Variants in SLC8A1 observed in about 807,000 individuals in gnomAD.
The protein encoded by SLC8A1 is sodium/calcium exchanger 1.
In SLC8A1, 18 loss-of-function variants were observed where a neutral mutation model predicts 68.3. The observed-to-expected ratio is 0.26, with a 90% CI of 0.18 to 0.39. The LOEUF is 0.39. Among genes scored for constraint, SLC8A1 ranks in the 10% least tolerant of loss-of-function variants. The pLI is 1.00. For synonymous variants in SLC8A1, 475 were observed against 415.5 expected, an observed-to-expected ratio of 1.14 and a Z score of -1.74; for missense variants, 985 against 1,156.7, an observed-to-expected ratio of 0.85 and a Z score of 2.15.
chr2:40,370,502 G>A (rs1185680262), intron 2 of SLC8A1, among the ~76,000 whole-genome samples: 1 of 151,986 alleles, frequency 6.6e-6, no homozygotes, highest in Non-Finnish European at 1.5e-5. Flanking sequence ...TCATGTAATT[G>A]ACAGGCTAAA....
intron 1 of SLC8A1, among the ~76,000 whole-genome samples, chr2:40,493,470 C>T (rs575599791): frequency 6.6e-6 from 1 of 150,734 alleles, no homozygotes; most frequent in Admixed American, 6.6e-5. Flanking sequence ...ACATTGTGCA[C>T]ATGTACCCTA....
At chr2:40,273,992 G>A (rs1053595617) in intron 2 of SLC8A1, among the ~76,000 whole-genome samples, 3 of 151,486 alleles carry the variant, frequency 2.0e-5, no homozygotes, top group Non-Finnish European at 4.4e-5. Flanking sequence ...GTTTATGCAA[G>A]GGACTGTGCC....
At chr2:40,192,947 T>C (rs775256294) in intron 2 of SLC8A1, among the ~76,000 whole-genome samples, 5 of 152,148 alleles carry the variant, frequency 3.3e-5, no homozygotes, top group Non-Finnish European at 5.9e-5. Context: ...GTACTGTCTG[T>C]ATTCAACAGT....
rs113370359 is a variant in SLC8A1 at position 40,463,935 on chromosome 2, C to T, written c.-24-33631G>A. 5.6e-3 allele frequency among the ~76,000 whole-genome samples: 841 copies of T among 151,478 alleles called. 5 individuals are homozygous for T. Among genetic ancestry groups the T allele is most frequent in the African/African-American group, 0.019 (763 of 41,216 alleles). ...AGATTGATGGTGTCTCGCTCTGTTTCCCAGGCTAGAATGAAGTGACGTGAT... is the reference window on the plus strand; with the variant it reads ...AGATTGATGGTGTCTCGCTCTGTTTTCCAGGCTAGAATGAAGTGACGTGAT... On this transcript the variant is annotated intron_variant, in intron 1 of 7. Coordinates refer to the SLC8A1 transcript ENST00000402441.
At chr2:40,436,461 C>A (rs1699440585) in intron 1 of SLC8A1, among the ~76,000 whole-genome samples, 1 of 152,126 alleles carries the variant, frequency 6.6e-6, no homozygotes, top group Non-Finnish European at 1.5e-5. Flanking sequence ...GACTCATGAG[C>A]AAAGACTCTT....
At chr2:40,239,518 T>C (rs1285443647) in intron 2 of SLC8A1, among the ~76,000 whole-genome samples, 2 of 152,184 alleles carry the variant, frequency 1.3e-5, no homozygotes, top group Non-Finnish European at 2.9e-5. Flanking sequence ...TTGTCTGAGG[T>C]ACACAAGTAA....
chr2:40,266,118 G>C (rs1363969446), intron 2 of SLC8A1, among the ~76,000 whole-genome samples: 1 of 152,160 alleles, frequency 6.6e-6, no homozygotes, highest in Admixed American at 6.5e-5. Flanking sequence ...TCTAGAAATT[G>C]GTGCACATAG....
At chr2:40,100,993 C>G (rs2033858324) in exon 8 of SLC8A1, 1 of 152,092 alleles carries the variant, frequency 6.6e-6, no homozygotes, top group Admixed American at 6.6e-5. Flanking sequence ...TTTTGTGTAT[C>G]AAAATGCATA....
intron 2 of SLC8A1, among the ~76,000 whole-genome samples, chr2:40,344,672 AG>A (rs1668712566): frequency 6.6e-6 from 1 of 152,208 alleles, no homozygotes; most frequent in Non-Finnish European, 1.5e-5. Flanking sequence ...ACAGAGCTTC[AG>A]GTCTCCCATT....
chr2:40,217,379 T>G (rs893286197), intron 2 of SLC8A1, among the ~76,000 whole-genome samples: 4 of 152,258 alleles, frequency 2.6e-5, no homozygotes, highest in African/African-American at 9.6e-5. Flanking sequence ...CCATGCTGTT[T>G]TGATTACTGT....
In SLC8A1 at chr2:40,314,809, G is replaced by A. The variant is rs561600410; in HGVS notation, c.1808+113664C>T. Among the ~76,000 whole-genome samples, 9 of 152,038 alleles carry A rather than the reference G, an allele frequency of 5.9e-5. No homozygotes were observed. The South Asian group carries it at 6.2e-4, about 11-fold the overall frequency. ...TAATATCAGTTTGCATTTGTTTCTC[G>A]TATTTAGAAATACAATTAATTTCTG... is the stretch of plus-strand genomic sequence containing the variant. On this transcript the variant is annotated intron_variant, in intron 2 of 7. Coordinates refer to ENST00000406785, the Ensembl canonical transcript of SLC8A1.
intron 2 of SLC8A1, among the ~76,000 whole-genome samples, chr2:40,321,812 AT>A (rs547927908): frequency 7.7e-4 from 117 of 152,206 alleles, no homozygotes; most frequent in African/African-American, 2.7e-3. Context: ...TCAAGATAAG[AT>A]TTGGGTGGGA....
intron 2 of SLC8A1, among the ~76,000 whole-genome samples, chr2:40,401,929 A>T (rs185166605): frequency 6.6e-6 from 1 of 152,224 alleles, no homozygotes; most frequent in Non-Finnish European, 1.5e-5. Context: ...ATACATATAC[A>T]GATTGCCCCA....
chr2:40,284,935 C>A (rs139906857), intron 2 of SLC8A1, among the ~76,000 whole-genome samples: 7 of 152,204 alleles, frequency 4.6e-5, no homozygotes, highest in Non-Finnish European at 1.0e-4. Context: ...TCTGAGCAGG[C>A]ACTCTCATGC....
chr2:40,221,992 C>T (rs915714885), intron 2 of SLC8A1, among the ~76,000 whole-genome samples: 1 of 152,130 alleles, frequency 6.6e-6, no homozygotes, highest in Non-Finnish European at 1.5e-5. Flanking sequence ...CTACCATTGA[C>T]TTTCATCACA....
chr2:40,439,146 G>T (rs1268308267), intron 1 of SLC8A1, among the ~76,000 whole-genome samples: 2 of 151,938 alleles, frequency 1.3e-5, no homozygotes, highest in African/African-American at 4.8e-5. Context: ...GAGAAAAGAG[G>T]GGCCCCAAAA....
intron 2 of SLC8A1, among the ~76,000 whole-genome samples, chr2:40,340,973 CA>C (rs1667513045): frequency 6.6e-6 from 1 of 152,132 alleles, no homozygotes; most frequent in African/African-American, 2.4e-5. Flanking sequence ...TTTTATTGAT[CA>C]TTTCATATCC....
chr2:40,435,758 G>C (rs1245112469), intron 1 of SLC8A1, among the ~76,000 whole-genome samples: 2 of 151,840 alleles, frequency 1.3e-5, no homozygotes, highest in Non-Finnish European at 2.9e-5. Flanking sequence ...TTTATTTTTC[G>C]AGATAGCACT....
At chr2:40,361,887 CTTTTTTTTTT>C (rs1172909749) in intron 2 of SLC8A1, among the ~76,000 whole-genome samples, 25 of 53,120 alleles carry the variant, frequency 4.7e-4, no homozygotes, top group Admixed American at 1.6e-3. Flanking sequence ...CTTTTCTTTC[CTTTTTTTTTT>C]TTTTTTTTTT....
Sources: gnomAD v4.1 joint callset for allele counts (sites outside exome capture counted in the v4.1 genomes callset) on GRCh38, gnomAD v4.1.1 for gene constraint, MANE v1.5 for transcripts, NCBI Gene and HGNC (gene_info 2026-07-23, HGNC 2026-07-21) for gene names.